ARHGAP23: variants seen among roughly 807,000 people sequenced by gnomAD.
ARHGAP23 encodes rho GTPase-activating protein 23.
Under a neutral mutation model 136.3 loss-of-function variants are expected in ARHGAP23, and 34 were observed. The observed-to-expected ratio is 0.25, with a 90% confidence interval of 0.19 to 0.33. The LOEUF (loss-of-function observed/expected upper bound fraction) is 0.33. Among genes scored for constraint, ARHGAP23 ranks in the 10% least tolerant of loss-of-function variants. The pLI is 1.00. For missense variants in ARHGAP23, 1,808 were observed against 2,139.0 expected (o/e 0.85, Z 3.05); for synonymous variants, 832 against 920.5 (o/e 0.90, Z 1.74).
intron 1 of ARHGAP23, among the ~76,000 whole-genome samples, chr17:38,431,236 T>C (rs2038679505): frequency 6.6e-6 from 1 of 152,180 alleles, no homozygotes; most frequent in Admixed American, 6.5e-5. Context: ...TGCTTGTCTT[T>C]TGTTCTATTT....
intron 11 of ARHGAP23, among the ~76,000 whole-genome samples, chr17:38,473,734 G>A (rs1388484001): frequency 6.6e-6 from 1 of 152,010 alleles, no homozygotes; most frequent in Non-Finnish European, 1.5e-5. Flanking sequence ...ACGAAAGGGT[G>A]AGAAGCCACA....
At chr17:38,446,609 A>ATT (rs59571187) in intron 1 of ARHGAP23, among the ~76,000 whole-genome samples, 8 of 131,642 alleles carry the variant, frequency 6.1e-5, no homozygotes, top group Admixed American at 1.5e-4. Flanking sequence ...TCTGTGTTTA[A>ATT]TTTTTTTTTT....
intron 1 of ARHGAP23, among the ~76,000 whole-genome samples, chr17:38,443,658 G>A (rs1245162485): frequency 6.6e-6 from 1 of 151,832 alleles, no homozygotes; most frequent in Non-Finnish European, 1.5e-5. Context: ...GGGGAAGGCA[G>A]GGGTAACCGG....
At chr17:38,438,857 C>G (rs1331147380) in intron 1 of ARHGAP23, among the ~76,000 whole-genome samples, 2 of 152,000 alleles carry the variant, frequency 1.3e-5, no homozygotes, top group Admixed American at 6.6e-5. Flanking sequence ...GTGGCACATA[C>G]CTGTAATCCC....
intron 1 of ARHGAP23, among the ~76,000 whole-genome samples, chr17:38,447,510 G>A (rs1162166508): frequency 2.0e-5 from 3 of 150,282 alleles, no homozygotes; most frequent in Non-Finnish European, 4.4e-5. Context: ...TCTCTAGGAG[G>A]GCAAATCCAT....
chr17:38,432,362 C>A (rs1429066011), intron 1 of ARHGAP23, among the ~76,000 whole-genome samples: 1 of 152,076 alleles, frequency 6.6e-6, no homozygotes, highest in African/African-American at 2.4e-5. Context: ...CACAAGGAGA[C>A]CCAATACCTA....
rs1051450157 is a variant in ARHGAP23 at position 38,497,840 on chromosome 17, C to T, written c.3318+14C>T. The T allele has an allele frequency of 2.5e-5, 39 of 1,550,880 alleles. No individual in the cohort carries two copies. Among genetic ancestry groups the T allele is most frequent in the Admixed American group, 1.4e-4 (7 of 50,976 alleles). The stretch of plus-strand genomic sequence containing the variant: ...AAGGGAGAGAGAGTAAGTGATGCCG[C>T]GGGCTGGGCTGGCATGGGGGCTGGT... On this transcript the variant is annotated intron_variant, in intron 21 of 23. Coordinates refer to ENST00000622683, the MANE Select transcript of ARHGAP23 (RefSeq NM_001199417.2).
Position 38,510,876 on chromosome 17 carries a change from C to A in ARHGAP23, c.4380C>A (p.Ser1460=). The change falls in exon 24 of 24, where the codon TCC becomes TCA. Residue 1460 remains serine (S), a synonymous_variant. Transcript: ENST00000622683. This position sits in a 1 kb window ranked among gnomAD's most constrained non-coding sequence, Gnocchi z 4.6. ...LESTKARAPS[S]AASQPPAPGD... is the part of the protein sequence containing the mutation. ...CCACCAAGGCGCGGGCCCCGTCGTC[C>A]GCTGCCTCGCAGCCGCCCGCGCCCG... 2.0e-6 allele frequency: 3 copies of A among 1,496,528 alleles called. No individual in the cohort carries two copies. Among genetic ancestry groups the A allele is most frequent in the Non-Finnish European group, 2.7e-6 (3 of 1,130,850 alleles). The allele number at this position is 1,496,528 out of a possible 1,614,324, so 92.7% of individuals were successfully genotyped here. A position where few individuals can be genotyped will look rare whatever the true frequency, so the allele number is the denominator to read the frequency against.
chr17:38,419,803 C>G (rs2144451932), intron 1 of ARHGAP23, among the ~76,000 whole-genome samples: 1 of 152,182 alleles, frequency 6.6e-6, no homozygotes, highest in South Asian at 2.1e-4. Flanking sequence ...TGGGTGGGCT[C>G]TGTGCCATAT....
rs576684592 is a variant in ARHGAP23, at chr17:38,502,081, G to A, written c.3447+1453G>A. On this transcript the variant is annotated intron_variant, in intron 23 of 23. Transcript: ENST00000622683. Reference sequence around the variant, plus strand: ...CCTAGCACTTTGGGAGGCTGAGGTCGGATCTTGAGATCAAGAGTTAAAGAC... The same window carrying A: ...CCTAGCACTTTGGGAGGCTGAGGTCAGATCTTGAGATCAAGAGTTAAAGAC... 6.6e-5 allele frequency among the ~76,000 whole-genome samples: 10 copies of A among 152,262 alleles called. No homozygotes were observed. The South Asian group carries it at 2.1e-3, about 32-fold the overall frequency.
At chr17:38,469,353 G>C in intron 8 of ARHGAP23, 54 bp downstream of exon 8, 1 of 1,511,204 alleles carries the variant, frequency 6.6e-7, no homozygotes, top group South Asian at 1.3e-5. Flanking sequence ...CCCAGTCCCA[G>C]GGGTCTCTGT....
In ARHGAP23 at chr17:38,447,703, C is replaced by T. The variant is rs187303225; in HGVS notation, c.64-10399C>T. On this transcript the variant is annotated intron_variant, in intron 1 of 23. Transcript: ENST00000622683. ...GGAGCACACAGTCTGATGGAGGAGG[C>T]ATAGCTTCTTCCCTTTGAGGAGTCT... 3.3e-5 allele frequency among the ~76,000 whole-genome samples: 5 copies of T among 152,300 alleles called. No individual in the cohort carries two copies. In the East Asian group the frequency reaches 9.7e-4, roughly 30 times the overall value.
In ARHGAP23 at chr17:38,486,987, A is replaced by G. The variant is rs142168190; in HGVS notation, c.2986+847A>G. The stretch of plus-strand genomic sequence containing the variant: ...TCAGGGGTGTGCTGGCAGATGTTTA[A>G]CATCTGTCTCTGGGGGAAAAAAGCC... On this transcript the variant is annotated intron_variant, in intron 17 of 23. Coordinates refer to ENST00000622683, the MANE Select transcript of ARHGAP23 (RefSeq NM_001199417.2). Among the ~76,000 whole-genome samples, 308 of 152,304 alleles carry G rather than the reference A, an allele frequency of 2.0e-3. 3 individuals are homozygous for G. Among genetic ancestry groups the G allele is most frequent in the African/African-American group, 7.3e-3 (303 of 41,554 alleles).
chr17:38,494,273 A>G (rs1252005289), intron 20 of ARHGAP23, among the ~76,000 whole-genome samples: 5 of 152,158 alleles, frequency 3.3e-5, no homozygotes, highest in South Asian at 2.1e-4. Flanking sequence ...TTTACCTCAC[A>G]TCGTTGTGAA....
chr17:38,423,593 G>A (rs374314386), upstream of ARHGAP23, among the ~76,000 whole-genome samples: 15 of 152,120 alleles, frequency 9.9e-5, no homozygotes, highest in African/African-American at 3.1e-4. Context: ...GGCTGGTCTC[G>A]AACTCCTGAC....
chr17:38,482,278 G>T, intron 15 of ARHGAP23, 135 bp downstream of exon 15: 1 of 1,449,470 alleles, frequency 6.9e-7, no homozygotes, highest in Non-Finnish European at 9.2e-7. Context: ...CCAGAGAGGG[G>T]AAGGCCCCCG....
chr17:38,447,207 C>T (rs979694136), intron 1 of ARHGAP23, among the ~76,000 whole-genome samples: 2 of 151,782 alleles, frequency 1.3e-5, no homozygotes, highest in South Asian at 2.1e-4. Flanking sequence ...TTCGGGAGGC[C>T]GAGGCGGGTG....
rs1223607145 is a variant in ARHGAP23, at chr17:38,511,177, G to A, written c.*205G>A. 2 of 559,864 alleles carry A rather than the reference G, an allele frequency of 3.6e-6. No homozygotes were observed. The highest frequency in any genetic ancestry group is 3.6e-5 in the East Asian group (1 of 28,104). 34.7% of individuals were successfully genotyped at this position (559,864 alleles called of 1,614,324 possible). A position where few individuals can be genotyped will look rare whatever the true frequency, so the allele number is the denominator to read the frequency against. On this transcript the variant is annotated 3_prime_UTR_variant, in exon 24 of 24. Coordinates refer to ENST00000622683, the MANE Select transcript of ARHGAP23 (RefSeq NM_001199417.2). ...GGCCGGACTAATTGAATGGAAGGGG[G>A]TTCCAGAGGTGATGAGCAGAAGAGG... is the stretch of plus-strand genomic sequence containing the variant.
chr17:38,487,624 T>C (rs2040187739), intron 17 of ARHGAP23, among the ~76,000 whole-genome samples: 1 of 152,182 alleles, frequency 6.6e-6, no homozygotes, highest in Non-Finnish European at 1.5e-5. Flanking sequence ...CCCAGCACTT[T>C]GGAAGGCTGA....
Sources: gnomAD v4.1 joint callset for allele counts (sites outside exome capture counted in the v4.1 genomes callset) on GRCh38, gnomAD v4.1.1 for gene constraint, Gnocchi (gnomAD v3.1) non-coding constraint, MANE v1.5 for transcripts, NCBI Gene and HGNC (gene_info 2026-07-23, HGNC 2026-07-21) for gene names.